Variants in PDZD2 observed in about 807,000 individuals in gnomAD.
PDZD2 encodes the protein PDZ domain containing 2.
A neutral mutation model predicts 220.7 loss-of-function variants in PDZD2; 90 were observed. The ratio of observed to expected loss-of-function variants is 0.41; its 90% CI spans 0.34 to 0.49. PDZD2 has a LOEUF of 0.49. Among genes scored for constraint, PDZD2 ranks in the 20% least tolerant of loss-of-function variants. The probability of loss-of-function intolerance (pLI) is 0.28; values close to 1 mark genes in which losing one functional copy is unlikely to be tolerated. For synonymous variants in PDZD2, 1,375 were observed against 1,450.5 expected (o/e 0.95, Z 1.18); for missense variants, 3,174 against 3,608.5 (o/e 0.88, Z 3.08).
At position 32,017,515 on chromosome 5, in the gene PDZD2, A is replaced by G. The variant is rs182644349; in HGVS notation, c.1407+7033A>G. 5.9e-3 allele frequency among the ~76,000 whole-genome samples: 896 copies of G among 152,286 alleles called. 17 individuals are homozygous for G. The highest frequency in any genetic ancestry group is 0.053 in the Admixed American group (807 of 15,284). ...TAGTGGACATTTGTTTCTGTCCCCA[A>G]ATGAGAGAAAGTCTCTCTGCTATGC... On this transcript the variant is annotated intron_variant, in intron 6 of 24. Coordinates refer to ENST00000438447, the MANE Select transcript of PDZD2 (RefSeq NM_178140.4).
intron 2 of PDZD2, among the ~76,000 whole-genome samples, chr5:31,970,454 G>A (rs1163192419): frequency 1.3e-5 from 2 of 151,946 alleles, no homozygotes; most frequent in East Asian, 1.9e-4. Context: ...TCAGGAATTC[G>A]AGACCAGCCT....
chr5:31,661,942 T>C (rs1745786358), intron 1 of PDZD2, among the ~76,000 whole-genome samples: 1 of 152,142 alleles, frequency 6.6e-6, no homozygotes, highest in African/African-American at 2.4e-5. Context: ...TCCAGACACG[T>C]CATCCTGGGT....
At chr5:32,007,871 T>C (rs1386452253) in intron 5 of PDZD2, among the ~76,000 whole-genome samples, 1 of 152,222 alleles carries the variant, frequency 6.6e-6, no homozygotes, top group Non-Finnish European at 1.5e-5. Context: ...CTCTGGCTCC[T>C]GTGTGGTCCG....
Position 32,088,431 on chromosome 5 carries a change from C to T in PDZD2, c.4983C>T (p.Asp1661=), listed in dbSNP as rs1742742223. Residue 1661 remains aspartate (D), a synonymous_variant, in exon 20 of 25, where the codon GAC becomes GAT. Coordinates refer to ENST00000438447, the MANE Select transcript of PDZD2 (RefSeq NM_178140.4). The surrounding 1 kb of genome is among the most constrained non-coding windows in gnomAD (Gnocchi z 4.6). ...CAGGCTCATACACTTCAGGCCCAGACTCTTCCCAGCCATCATCACTCTTGG... is the reference window on the plus strand; with the variant it reads ...CAGGCTCATACACTTCAGGCCCAGATTCTTCCCAGCCATCATCACTCTTGG... ...CLPGSYTSGP[D]SSQPSSLLEM... is the part of the protein sequence containing the mutation. The T allele has an allele frequency of 6.2e-7, 1 of 1,614,004 alleles. No individual in the cohort carries two copies.
intron 7 of PDZD2, among the ~76,000 whole-genome samples, chr5:32,046,523 A>G (rs1254708628): frequency 6.6e-6 from 1 of 152,058 alleles, no homozygotes; most frequent in Non-Finnish European, 1.5e-5. Context: ...GATTACAGGC[A>G]TGAGCCACCG....
chr5:32,074,730 C>T, intron 18 of PDZD2, 87 bp downstream of exon 18: 2 of 824,564 alleles, frequency 2.4e-6, no homozygotes, highest in Non-Finnish European at 1.9e-6. Flanking sequence ...CATGGGTAAG[C>T]TGCCAGTGGG....
At chr5:31,941,779 G>C (rs1053829420) in intron 2 of PDZD2, among the ~76,000 whole-genome samples, 17 of 152,104 alleles carry the variant, frequency 1.1e-4, no homozygotes, top group African/African-American at 4.1e-4. Flanking sequence ...AGTTTGTTAG[G>C]GTAATAGAAA....
At chr5:31,865,605 C>A in intron 2 of PDZD2, among the ~76,000 whole-genome samples, 1 of 120,676 alleles carries the variant, frequency 8.3e-6, no homozygotes, top group Non-Finnish European at 1.7e-5. Flanking sequence ...AGCCTGTAAT[C>A]TGTGTCTACT....
At chr5:31,715,487 T>C (rs1486566310) in intron 1 of PDZD2, among the ~76,000 whole-genome samples, 1 of 152,230 alleles carries the variant, frequency 6.6e-6, no homozygotes, top group African/African-American at 2.4e-5. Flanking sequence ...ACAGAGGCAA[T>C]TAATGTTATT....
chr5:32,101,026 G>A (rs1744210512), intron 23 of PDZD2, 79 bp from the exon 24 acceptor site: 8 of 1,589,026 alleles, frequency 5.0e-6, no homozygotes, highest in East Asian at 2.2e-5. Context: ...GGCTGGAGGC[G>A]ATGCATCCTG....
chr5:32,071,995 C>T (rs916278409), intron 16 of PDZD2, among the ~76,000 whole-genome samples, 166 bp from the exon 17 acceptor site: 3 of 152,164 alleles, frequency 2.0e-5, no homozygotes, highest in African/African-American at 7.2e-5. Context: ...TATTAGTTGT[C>T]AATTTAGCCG....
intron 6 of PDZD2, among the ~76,000 whole-genome samples, chr5:32,034,503 G>T (rs977262442): frequency 5.9e-5 from 9 of 151,892 alleles, no homozygotes; most frequent in African/African-American, 2.2e-4. Flanking sequence ...GGATTATACA[G>T]GCACGTGCCA....
intron 6 of PDZD2, among the ~76,000 whole-genome samples, chr5:32,014,403 T>C (rs1753565784): frequency 6.6e-6 from 1 of 152,204 alleles, no homozygotes; most frequent in Admixed American, 6.5e-5. Context: ...TAAAACCATA[T>C]GGTGAATATC....
intron 1 of PDZD2, among the ~76,000 whole-genome samples, chr5:31,782,409 C>T (rs969044188): frequency 1.3e-5 from 2 of 152,110 alleles, no homozygotes; most frequent in African/African-American, 4.8e-5. Context: ...TACAACCCTA[C>T]ATGGGTGGGA....
At chr5:31,773,824 C>A (rs10056142) in intron 1 of PDZD2, among the ~76,000 whole-genome samples, 1 of 152,004 alleles carries the variant, frequency 6.6e-6, no homozygotes, top group Non-Finnish European at 1.5e-5. Flanking sequence ...TCTCTGGGAC[C>A]GTGTTTACAT....
intron 2 of PDZD2, among the ~76,000 whole-genome samples, chr5:31,818,566 C>A (rs1029627196): frequency 1.3e-5 from 2 of 152,068 alleles, no homozygotes; most frequent in Admixed American, 1.3e-4. Context: ...GGCCAGCTAC[C>A]CTACCAGGCA....
At chr5:31,721,516 CTT>C (rs752973527) in intron 1 of PDZD2, among the ~76,000 whole-genome samples, 26 of 120,272 alleles carry the variant, frequency 2.2e-4, no homozygotes, top group Non-Finnish European at 2.3e-4. Context: ...ATAACTGCCT[CTT>C]TTTTTTTTTT....
intron 5 of PDZD2, among the ~76,000 whole-genome samples, chr5:32,001,766 GT>G (rs1752124056): frequency 6.6e-6 from 1 of 152,336 alleles, no homozygotes; most frequent in Admixed American, 6.5e-5. Context: ...CCGATGTGCT[GT>G]TGATGAGACT....
intron 1 of PDZD2, among the ~76,000 whole-genome samples, chr5:31,716,919 G>A (rs1748484987): frequency 6.6e-6 from 1 of 152,180 alleles, no homozygotes; most frequent in African/African-American, 2.4e-5. Flanking sequence ...AGGGGGCCCT[G>A]TGTGAGAGTT....
Sources: gnomAD v4.1 joint callset for allele counts (sites outside exome capture counted in the v4.1 genomes callset) on GRCh38, gnomAD v4.1.1 for gene constraint, Gnocchi (gnomAD v3.1) non-coding constraint, MANE v1.5 for transcripts, NCBI Gene and HGNC (gene_info 2026-07-23, HGNC 2026-07-21) for gene names.